SLAMF9: variants seen among roughly 807,000 people sequenced by gnomAD.
SLAMF9 encodes SLAM family member 9.
A neutral mutation model predicts 30.4 loss-of-function variants in SLAMF9; 25 were observed. The observed-to-expected ratio is 0.82, with a 90% CI of 0.60 to 1.15. SLAMF9 has a LOEUF of 1.15. SLAMF9 is among the 50% of genes most tolerant of loss of function. The pLI is 0.00. For synonymous variants in SLAMF9, 129 were observed against 127.2 expected (o/e 1.01, Z -0.09); for missense variants, 344 against 346.1 (o/e 0.99, Z 0.05).
At chr1:159,960,136 G>A in the SLAMF9 span, among the ~76,000 whole-genome samples, 1 of 150,844 alleles carries the variant, frequency 6.6e-6, no homozygotes, top group South Asian at 2.1e-4. Context: ...TTTAGCATTA[G>A]GTATATCTCC....
the SLAMF9 span, chr1:159,973,932 G>T: frequency 6.2e-7 from 1 of 1,612,180 alleles, no homozygotes. Context: ...GTTTTCCTTA[G>T]AGAAATGAAG....
rs561424305 is a variant in SLAMF9 at position 159,952,752 on chromosome 1, C to T, written c.392-218G>A. On this transcript the variant is annotated intron_variant, in intron 2 of 3. Coordinates refer to ENST00000368093, the MANE Select transcript of SLAMF9 (RefSeq NM_033438.4). ...AGACAGAGCTGCCTTTGGCATCTTC[C>T]ACCTCCCCTTTACGTATTCTCTCTC... is the stretch of plus-strand genomic sequence containing the variant. 2.0e-5 allele frequency among the ~76,000 whole-genome samples: 3 copies of T among 152,314 alleles called. No homozygotes were observed. In the East Asian group the frequency reaches 5.8e-4, roughly 29 times the overall value.
chr1:159,982,496 G>A, the SLAMF9 span, among the ~76,000 whole-genome samples: 11 of 152,116 alleles, frequency 7.2e-5, no homozygotes, highest in South Asian at 4.2e-4. Flanking sequence ...TTCCCTTCTC[G>A]ATAGAGGTTT....
rs1410215064 is a variant in SLAMF9, at chr1:159,954,163, G to A, written c.-26C>T. 2 of 1,613,846 alleles carry A rather than the reference G, an allele frequency of 1.2e-6. No homozygotes were observed. Among genetic ancestry groups the A allele is most frequent in the Admixed American group, 1.7e-5 (1 of 59,996 alleles). On this transcript the variant is annotated 5_prime_UTR_variant, in exon 1 of 4. Coordinates refer to ENST00000368093, the MANE Select transcript of SLAMF9 (RefSeq NM_033438.4). ...GTCAGCAGCCCCCAGCCCCAGAGGTGTGATTCAGTCAGTCAGTCCCCAGGA... is the reference window on the plus strand; with the variant it reads ...GTCAGCAGCCCCCAGCCCCAGAGGTATGATTCAGTCAGTCAGTCCCCAGGA...
chr1:159,976,975 A>AAAGG, the SLAMF9 span: 1 of 44,388 alleles, frequency 2.3e-5, no homozygotes, highest in Non-Finnish European at 7.4e-5. Flanking sequence ...AGAAAGAAGG[A>AAAGG]AAGAAGGAAA....
At chr1:159,962,314 A>G in the SLAMF9 span, among the ~76,000 whole-genome samples, 1 of 151,688 alleles carries the variant, frequency 6.6e-6, no homozygotes, top group African/African-American at 2.4e-5. Flanking sequence ...CTGGGGGTAT[A>G]TAGACCTACT....
chr1:159,973,906 T>G, the SLAMF9 span: 1 of 1,612,612 alleles, frequency 6.2e-7, no homozygotes, highest in Non-Finnish European at 8.5e-7. Context: ...GTTGCTCCTC[T>G]CATGGACAGA....
At chr1:159,972,798 G>T in the SLAMF9 span, 1 of 762,438 alleles carries the variant, frequency 1.3e-6, no homozygotes, top group Non-Finnish European at 1.9e-6. Context: ...AGCAGGGTCA[G>T]CGGGACCGTG....
chr1:159,981,664 C>T, the SLAMF9 span, among the ~76,000 whole-genome samples: 13 of 152,232 alleles, frequency 8.5e-5, no homozygotes, highest in Admixed American at 8.5e-4. Context: ...CTCAGGTCTC[C>T]CTTCAAGAGA....
chr1:159,952,149 G>T, intron 3 of SLAMF9, 113 bp downstream of exon 3: 1 of 1,253,162 alleles, frequency 8.0e-7, no homozygotes. Flanking sequence ...CTCCATGGGA[G>T]GGGGTTAGCT....
At chr1:159,969,767 G>A in the SLAMF9 span, among the ~76,000 whole-genome samples, 82 of 152,292 alleles carry the variant, frequency 5.4e-4, no homozygotes, top group Non-Finnish European at 7.2e-4. Context: ...TATTAGCTGG[G>A]TGCAGTGGCT....
At chr1:159,976,915 A>C in the SLAMF9 span, 1 of 606 alleles carries the variant, frequency 1.7e-3, no homozygotes, top group African/African-American at 2.0e-3. Context: ...AAAGAAAAAA[A>C]GAAAGAAAGA....
At chr1:159,955,905 C>A (rs535862411), upstream of SLAMF9, among the ~76,000 whole-genome samples, 1 of 152,238 alleles carries the variant, frequency 6.6e-6, no homozygotes, top group South Asian at 2.1e-4. Context: ...AGAATTTTTT[C>A]TTAAAGGTGA....
the SLAMF9 span, among the ~76,000 whole-genome samples, chr1:159,978,294 A>T: frequency 6.6e-6 from 1 of 152,094 alleles, no homozygotes; most frequent in Non-Finnish European, 1.5e-5. Flanking sequence ...GGGGCAGGCG[A>T]GGGGAACTTC....
the SLAMF9 span, among the ~76,000 whole-genome samples, chr1:159,969,464 T>C: frequency 1.3e-5 from 2 of 152,328 alleles, no homozygotes; most frequent in South Asian, 2.1e-4. Context: ...ACTATTCTTG[T>C]AGAAGCTGGA....
At chr1:159,962,860 G>A in the SLAMF9 span, among the ~76,000 whole-genome samples, 1 of 152,140 alleles carries the variant, frequency 6.6e-6, no homozygotes, top group African/African-American at 2.4e-5. Context: ...TATTAAGAGT[G>A]CCCCCTTTCA....
At chr1:159,976,277 G>C in the SLAMF9 span, among the ~76,000 whole-genome samples, 1 of 152,092 alleles carries the variant, frequency 6.6e-6, no homozygotes, top group Non-Finnish European at 1.5e-5. Flanking sequence ...ATATAATGTA[G>C]CCATGAGAAA....
rs1028179938 is a variant in SLAMF9 at position 159,951,972 on chromosome 1, A to C, written c.665-106T>G. The C allele has an allele frequency of 7.6e-6, 7 of 920,580 alleles. No homozygotes were observed. The African/African-American group carries it at 1.2e-4, about 15-fold the overall frequency. 57.0% of individuals were successfully genotyped at this position (920,580 alleles called of 1,614,324 possible). A position where few individuals can be genotyped will look rare whatever the true frequency, so the allele number is the denominator to read the frequency against. On this transcript the variant is annotated intron_variant, in intron 3 of 3. Coordinates refer to ENST00000368093, the MANE Select transcript of SLAMF9 (RefSeq NM_033438.4). The stretch of plus-strand genomic sequence containing the variant: ...ATGAAGGGGTCTCAAGTTCACAATC[A>C]GTTGAAGTCCCCTTGCAAGTGTCTC...
At chr1:159,956,569 T>C (rs927102361), upstream of SLAMF9, among the ~76,000 whole-genome samples, 3 of 152,062 alleles carry the variant, frequency 2.0e-5, no homozygotes, top group Non-Finnish European at 4.4e-5. Context: ...CCAGGCCCAC[T>C]GAGTGCAAAG....
Sources: gnomAD v4.1 joint callset for allele counts (sites outside exome capture counted in the v4.1 genomes callset) on GRCh38, gnomAD v4.1.1 for gene constraint, MANE v1.5 for transcripts, NCBI Gene and HGNC (gene_info 2026-07-23, HGNC 2026-07-21) for gene names.